The following ARFIP1 variants were observed in gnomAD, a reference collection of about 807,000 sequenced individuals.
ARFIP1 encodes ARF interacting protein 1.
A neutral mutation model predicts 42.5 loss-of-function variants in ARFIP1; 24 were observed. The observed-to-expected ratio is 0.57, with a 90% CI of 0.41 to 0.80. The LOEUF is 0.80. ARFIP1 is among the 30% of genes least tolerant of loss of function. The pLI is 0.00. For synonymous variants in ARFIP1, 141 were observed against 153.7 expected (o/e 0.92, Z 0.61); for missense variants, 354 against 434.0 (o/e 0.82, Z 1.64).
chr4:152,849,775 A>G (rs538841201), intron 2 of ARFIP1, among the ~76,000 whole-genome samples: 1 of 152,334 alleles, frequency 6.6e-6, no homozygotes, highest in African/African-American at 2.4e-5. Flanking sequence ...TTGTGATCAT[A>G]AAGTGAGTTA....
intron 1 of ARFIP1, among the ~76,000 whole-genome samples, chr4:152,812,867 A>C (rs865999483): frequency 2.0e-5 from 3 of 152,182 alleles, no homozygotes; most frequent in Middle Eastern, 6.8e-3. Context: ...TTACTCTGTA[A>C]GTCTCTTATT....
intron 2 of ARFIP1, among the ~76,000 whole-genome samples, chr4:152,833,950 C>T (rs1189640112): frequency 6.6e-6 from 1 of 152,190 alleles, no homozygotes; most frequent in Non-Finnish European, 1.5e-5. Flanking sequence ...TTTTGGCTCA[C>T]AGTTCTGCAG....
intron 5 of ARFIP1, among the ~76,000 whole-genome samples, chr4:152,878,727 A>G (rs1421784238): frequency 6.6e-6 from 1 of 152,128 alleles, no homozygotes; most frequent in Non-Finnish European, 1.5e-5. Flanking sequence ...CCTGCTTGTA[A>G]CCGTTATTTC....
chr4:152,848,603 C>T (rs192464750), intron 2 of ARFIP1, among the ~76,000 whole-genome samples: 17 of 152,132 alleles, frequency 1.1e-4, no homozygotes, highest in Admixed American at 1.0e-3. Context: ...GAAAGAAATA[C>T]AAGAAATTGT....
intron 2 of ARFIP1, among the ~76,000 whole-genome samples, chr4:152,844,196 G>A (rs987221888): frequency 2.0e-5 from 3 of 152,206 alleles, no homozygotes; most frequent in Admixed American, 6.5e-5. Context: ...AGCCTCTCCA[G>A]TGGGAGTGTG....
intron 1 of ARFIP1, among the ~76,000 whole-genome samples, chr4:152,816,793 T>TCTAGCCAAGTTG (rs1729923753): frequency 6.6e-6 from 1 of 152,262 alleles, no homozygotes; most frequent in Non-Finnish European, 1.5e-5. Flanking sequence ...CAATCACCAT[T>TCTAGCCAAGTTG]CTAGCCAAGT....
chr4:152,865,163 A>G (rs922104947), intron 3 of ARFIP1, among the ~76,000 whole-genome samples: 4 of 151,524 alleles, frequency 2.6e-5, no homozygotes, highest in Non-Finnish European at 5.9e-5. Flanking sequence ...TTAAAGATGT[A>G]GTCTCACTCT....
At chr4:152,793,837 A>G (rs1731274804) in intron 1 of ARFIP1, among the ~76,000 whole-genome samples, 1 of 152,062 alleles carries the variant, frequency 6.6e-6, no homozygotes, top group East Asian at 1.9e-4. Flanking sequence ...GATAACTCCT[A>G]TTTCACAAGA....
At chr4:152,905,479 T>C (rs1048836577) in intron 8 of ARFIP1, among the ~76,000 whole-genome samples, 7 of 151,562 alleles carry the variant, frequency 4.6e-5, no homozygotes, top group African/African-American at 1.7e-4. Flanking sequence ...TTTTCCTTGA[T>C]GAAATGTCTG....
chr4:152,890,627 A>G (rs1042501783), intron 8 of ARFIP1, among the ~76,000 whole-genome samples: 1 of 152,152 alleles, frequency 6.6e-6, no homozygotes, highest in Non-Finnish European at 1.5e-5. Context: ...GAAAACTAAA[A>G]TGGGAAGCTG....
intron 8 of ARFIP1, among the ~76,000 whole-genome samples, chr4:152,908,326 A>G (rs1172701834): frequency 2.0e-5 from 3 of 152,152 alleles, no homozygotes; most frequent in African/African-American, 7.2e-5. Flanking sequence ...TCTTTTCACT[A>G]TCTTTTGATG....
chr4:152,822,296 T>TAA (rs70949618), intron 1 of ARFIP1, among the ~76,000 whole-genome samples: 803 of 65,498 alleles, frequency 0.012, 15 homozygotes, highest in African/African-American at 0.038. Flanking sequence ...GCAACAGCAG[T>TAA]AAAAAAAAAA....
intron 2 of ARFIP1, among the ~76,000 whole-genome samples, chr4:152,838,796 G>C (rs937469931): frequency 6.6e-6 from 1 of 152,202 alleles, no homozygotes; most frequent in East Asian, 1.9e-4. Flanking sequence ...GATTGCTCTG[G>C]CTAGGACTTC....
chr4:152,899,621 T>C (rs375783221), intron 8 of ARFIP1, among the ~76,000 whole-genome samples: 3 of 152,300 alleles, frequency 2.0e-5, no homozygotes, highest in African/African-American at 7.2e-5. Flanking sequence ...GTTCATCCCT[T>C]CCTCCTCCCC....
At chr4:152,905,161 ACTTTCATGTAGAAGTCGTTG>A (rs1287644752) in intron 8 of ARFIP1, among the ~76,000 whole-genome samples, 6 of 152,202 alleles carry the variant, frequency 3.9e-5, no homozygotes, top group Non-Finnish European at 7.3e-5. Context: ...GCTATTATGA[ACTTTCATGTAGAAGTCGTTG>A]CTTTCATTCC....
chr4:152,796,460 C>A, intron 1 of ARFIP1: 1 of 736,964 alleles, frequency 1.4e-6, no homozygotes, highest in Non-Finnish European at 2.5e-6. Flanking sequence ...CTGTTTCTCC[C>A]TGGGCACATA....
chr4:152,852,502 G>A (rs1733075327), intron 2 of ARFIP1, among the ~76,000 whole-genome samples: 2 of 152,038 alleles, frequency 1.3e-5, no homozygotes, highest in African/African-American at 4.8e-5. Flanking sequence ...GTGTGGCAGC[G>A]TGTGCCTATA....
rs897525687 is a variant in ARFIP1 at position 152,816,925 on chromosome 4, G to A, written c.-9-12700G>A. On this transcript the variant is annotated intron_variant, in intron 1 of 8. Transcript: ENST00000353617. ...TTATCGTACAAGATTTAGCTTAAAT[G>A]TTACCTCTGTTAAGTTTTTCATCTT... 2.6e-5 allele frequency among the ~76,000 whole-genome samples: 4 copies of A among 152,142 alleles called. No individual in the cohort carries two copies. The South Asian group carries it at 6.2e-4, about 24-fold the overall frequency.
At chr4:152,839,727 C>T (rs1051709212) in intron 2 of ARFIP1, among the ~76,000 whole-genome samples, 1 of 152,008 alleles carries the variant, frequency 6.6e-6, no homozygotes, top group East Asian at 1.9e-4. Flanking sequence ...TTCAAATAAC[C>T]ACCTTTTTGT....
Sources: allele counts gnomAD v4.1 joint callset (sites outside exome capture counted in the v4.1 genomes callset), GRCh38; gene constraint gnomAD v4.1.1; transcripts MANE v1.5; gene names NCBI Gene and HGNC (gene_info 2026-07-23, HGNC 2026-07-21).